MTUS1: variants seen among roughly 807,000 people sequenced by gnomAD.
The protein encoded by MTUS1 is microtubule-associated tumor suppressor 1.
A neutral mutation model predicts 120.8 loss-of-function variants in MTUS1; 109 were observed. The ratio of observed to expected loss-of-function variants is 0.90; its 90% confidence interval spans 0.77 to 1.06. The LOEUF (loss-of-function observed/expected upper bound fraction) is 1.06, where lower values mean the gene tolerates loss of function less well. MTUS1 is among the 50% of genes least tolerant of loss of function. MTUS1 has a pLI of 0.00. For missense variants in MTUS1, 2,210 were observed against 1,486.3 expected, an observed-to-expected ratio of 1.49 and a Z score of -8.01; for synonymous variants, 737 against 550.5, an observed-to-expected ratio of 1.34 and a Z score of -4.74.
intron 4 of MTUS1, chr8:17,721,868 C>G (rs373043254): frequency 1.9e-6 from 3 of 1,613,822 alleles, no homozygotes; most frequent in African/African-American, 2.7e-5. Flanking sequence ...ATATCAGTTT[C>G]TGTACAACTG....
At position 17,710,953 on chromosome 8, in the gene MTUS1, C is replaced by T. The variant is rs1179517643; in HGVS notation, c.2623+2261G>A. ...CAGAGTTCTTGGGTGACCAGGTGCA[C>T]TGTCAGTCGGCAGTAGTATTTTGAA... On this transcript the variant is annotated intron_variant, in intron 6 of 14. Coordinates refer to ENST00000693296, the MANE Select transcript of MTUS1 (RefSeq NM_001363059.2). 2.6e-5 allele frequency among the ~76,000 whole-genome samples: 4 copies of T among 152,294 alleles called. No homozygotes were observed. In the East Asian group the frequency reaches 7.7e-4, roughly 29 times the overall value.
At chr8:17,715,712 G>A in intron 5 of MTUS1, 55 bp downstream of exon 5, 2 of 1,534,456 alleles carry the variant, frequency 1.3e-6, no homozygotes, top group Admixed American at 2.2e-5. Flanking sequence ...CTTTCTACAA[G>A]CCAAGGACTT....
chr8:17,654,762 C>T (rs372786176), intron 9 of MTUS1, 96 bp from the exon 10 acceptor site: 5 of 824,036 alleles, frequency 6.1e-6, no homozygotes, highest in East Asian at 5.0e-5. Context: ...CACAGCTTCA[C>T]AGGTAAGCGT....
chr8:17,668,483 T>A (rs1377510184), intron 8 of MTUS1, among the ~76,000 whole-genome samples: 1 of 152,218 alleles, frequency 6.6e-6, no homozygotes, highest in Admixed American at 6.5e-5. Flanking sequence ...CTGCTGCAGA[T>A]GTAGACCATT....
chr8:17,705,110 G>A (rs1310389552), intron 6 of MTUS1, among the ~76,000 whole-genome samples: 1 of 152,110 alleles, frequency 6.6e-6, no homozygotes, highest in Admixed American at 6.6e-5. Flanking sequence ...AGCCTCATGA[G>A]TGCTGGGACT....
chr8:17,699,289 C>T (rs1449883102), intron 6 of MTUS1, among the ~76,000 whole-genome samples: 2 of 152,202 alleles, frequency 1.3e-5, no homozygotes, highest in East Asian at 3.8e-4. Context: ...GCAGTCTCTG[C>T]TCACTGCAAT....
chr8:17,775,846 A>G (rs1438139934), intron 1 of MTUS1, among the ~76,000 whole-genome samples: 3 of 152,186 alleles, frequency 2.0e-5, no homozygotes, highest in Non-Finnish European at 4.4e-5. Flanking sequence ...AATAAAAGTG[A>G]CAAGACACAC....
In MTUS1 at chr8:17,794,559, C is replaced by G. The variant is rs368538860; in HGVS notation, c.-155+6502G>C. ...AGCCCTTTTAAATCCATTTCTCATT[C>G]TCCAATATCCTTCTACCCTATCCTG... On this transcript the variant is annotated intron_variant, in intron 1 of 14. Coordinates refer to ENST00000693296, the MANE Select transcript of MTUS1 (RefSeq NM_001363059.2). Among the ~76,000 whole-genome samples, 8 of 152,232 alleles carry G rather than the reference C, an allele frequency of 5.3e-5. No individual in the cohort carries two copies. In the East Asian group the frequency reaches 1.5e-3, roughly 29 times the overall value.
chr8:17,735,658 C>G (rs549624169), intron 3 of MTUS1, among the ~76,000 whole-genome samples: 129 of 152,356 alleles, frequency 8.5e-4, no homozygotes, highest in African/African-American at 3.1e-3. Context: ...TCAAATGTCA[C>G]CGCCTCTCCT....
At chr8:17,658,024 G>GACACAGACACAC (rs1808829947) in intron 8 of MTUS1, among the ~76,000 whole-genome samples, 1 of 140,442 alleles carries the variant, frequency 7.1e-6, no homozygotes, top group Non-Finnish European at 1.5e-5. Flanking sequence ...TATATATATA[G>GACACAGACACAC]ACACACACAC....
At chr8:17,689,722 A>G (rs1816577767) in intron 6 of MTUS1, among the ~76,000 whole-genome samples, 1 of 152,188 alleles carries the variant, frequency 6.6e-6, no homozygotes, top group South Asian at 2.1e-4. Context: ...GAGAACCCAG[A>G]AATAAAGCCA....
At chr8:17,670,116 T>C (rs954951645) in intron 8 of MTUS1, among the ~76,000 whole-genome samples, 6 of 152,050 alleles carry the variant, frequency 3.9e-5, no homozygotes, top group African/African-American at 1.2e-4. Context: ...AGTTGTTAGC[T>C]TGGGTGGTAA....
At chr8:17,649,703 G>T in intron 13 of MTUS1, 143 bp downstream of exon 13, 1 of 631,834 alleles carries the variant, frequency 1.6e-6, no homozygotes. Context: ...AACTTGGAAA[G>T]AAAATGTGAA....
At chr8:17,722,814 T>A (rs2045937882) in intron 4 of MTUS1, among the ~76,000 whole-genome samples, 3 of 152,084 alleles carry the variant, frequency 2.0e-5, no homozygotes. Context: ...AAAGTACTGC[T>A]CCACACCCAG....
intron 2 of MTUS1, among the ~76,000 whole-genome samples, chr8:17,753,244 C>A (rs184307387): frequency 6.6e-6 from 1 of 152,250 alleles, no homozygotes; most frequent in East Asian, 1.9e-4. Flanking sequence ...CTTGCTCATA[C>A]AAGAGGGCTC....
At chr8:17,718,193 T>C (rs1409023267) in intron 4 of MTUS1, among the ~76,000 whole-genome samples, 1 of 152,164 alleles carries the variant, frequency 6.6e-6, no homozygotes, top group Non-Finnish European at 1.5e-5. Context: ...TCTTCAAATA[T>C]TTCCCCTGCC....
At chr8:17,665,887 G>C (rs1810793663) in intron 8 of MTUS1, among the ~76,000 whole-genome samples, 1 of 152,082 alleles carries the variant, frequency 6.6e-6, no homozygotes, top group Non-Finnish European at 1.5e-5. Context: ...TGCTGACAAA[G>C]TGTGACTCAC....
chr8:17,754,787 CTG>C lies in MTUS1; in HGVS notation c.1019_1020del (p.Thr340SerfsTer7). On this transcript the variant is annotated frameshift_variant, in exon 2 of 15. Coordinates refer to ENST00000693296, the MANE Select transcript of MTUS1 (RefSeq NM_001363059.2). LOFTEE classifies it high-confidence loss of function. ...TCATCATCAATAAGACAATAGGACACTGTCTCTCTCAGATTTTGGCCCATTTC... is the reference window on the plus strand; with the variant it reads ...TCATCATCAATAAGACAATAGGACACTCTCTCTCAGATTTTGGCCCATTTC... ...HKEMGQNLRETVSYCLIDDEC... is the reference protein window; with the variant it reads ...HKEMGQNLREXVSYCLIDDEC... 2 of 1,614,190 alleles carry C rather than the reference CTG, an allele frequency of 1.2e-6. No homozygotes were observed. The highest frequency in any genetic ancestry group is 1.7e-6 in the Non-Finnish European group (2 of 1,180,004).
intron 6 of MTUS1, among the ~76,000 whole-genome samples, chr8:17,700,087 C>T (rs1452591350): frequency 6.6e-6 from 1 of 152,112 alleles, no homozygotes; most frequent in East Asian, 1.9e-4. Context: ...AAAAGATAGG[C>T]ATCACCAAGG....
Sources: gnomAD v4.1 joint callset for allele counts (sites outside exome capture counted in the v4.1 genomes callset) on GRCh38, gnomAD v4.1.1 for gene constraint, MANE v1.5 for transcripts, NCBI Gene and HGNC (gene_info 2026-07-23, HGNC 2026-07-21) for gene names.